TRERF1: variants seen among roughly 807,000 people sequenced by gnomAD.
TRERF1 encodes transcriptional regulating factor 1, also known as transcriptional-regulating factor 1.
In TRERF1, 27 loss-of-function variants were observed where a neutral mutation model predicts 122.9. The ratio of observed to expected loss-of-function variants is 0.22; its 90% CI spans 0.16 to 0.30. The LOEUF (loss-of-function observed/expected upper bound fraction) is 0.30, where lower values mean the gene tolerates loss of function less well. TRERF1 is among the 10% of genes least tolerant of loss of function. TRERF1 has a pLI of 1.00. For missense variants in TRERF1, 1,248 were observed against 1,560.3 expected (o/e 0.80, Z 3.37); for synonymous variants, 636 against 641.7 (o/e 0.99, Z 0.13).
At chr6:42,270,212 T>G (rs866845783) in intron 4 of TRERF1, among the ~76,000 whole-genome samples, 1 of 152,176 alleles carries the variant, frequency 6.6e-6, no homozygotes, top group African/African-American at 2.4e-5. Flanking sequence ...TGTGTATATA[T>G]ATATATGAAA....
At chr6:42,266,092 C>T (rs575830758) in intron 5 of TRERF1, among the ~76,000 whole-genome samples, 2 of 152,218 alleles carry the variant, frequency 1.3e-5, no homozygotes, top group East Asian at 3.9e-4. Context: ...TCCCAGGGCA[C>T]CCACTCTGTG....
At chr6:42,394,555 G>C (rs569411470) in intron 2 of TRERF1, among the ~76,000 whole-genome samples, 9 of 152,306 alleles carry the variant, frequency 5.9e-5, no homozygotes, top group Admixed American at 4.6e-4. Flanking sequence ...CACTCAGCCA[G>C]CGAGTGTCCA....
chr6:42,234,402 A>T (rs1771597100), intron 16 of TRERF1, among the ~76,000 whole-genome samples: 1 of 150,886 alleles, frequency 6.6e-6, no homozygotes, highest in South Asian at 2.1e-4. Context: ...CAGTGGCATG[A>T]TCTCAGTTTA....
At chr6:42,303,212 G>A (rs1218192075) in intron 3 of TRERF1, among the ~76,000 whole-genome samples, 1 of 152,208 alleles carries the variant, frequency 6.6e-6, no homozygotes, top group Non-Finnish European at 1.5e-5. Context: ...AGTGAGACCA[G>A]TGTGTTCCCT....
chr6:42,329,983 T>C (rs1764979021), intron 3 of TRERF1, among the ~76,000 whole-genome samples: 1 of 151,838 alleles, frequency 6.6e-6, no homozygotes, highest in Non-Finnish European at 1.5e-5. Flanking sequence ...AGCAAGACTC[T>C]GTCTTGGGGG....
chr6:42,250,332 C>T (rs1237027373), intron 13 of TRERF1, among the ~76,000 whole-genome samples: 1 of 152,184 alleles, frequency 6.6e-6, no homozygotes, highest in African/African-American at 2.4e-5. Flanking sequence ...ATTTCTTATC[C>T]ACAGTCTCAC....
chr6:42,327,751 T>C (rs1764538475), intron 3 of TRERF1, among the ~76,000 whole-genome samples: 1 of 151,946 alleles, frequency 6.6e-6, no homozygotes, highest in Non-Finnish European at 1.5e-5. Flanking sequence ...GAGAGAACAG[T>C]TGTTTTAGAA....
chr6:42,400,718 C>T (rs939020015), intron 2 of TRERF1, among the ~76,000 whole-genome samples: 4 of 152,122 alleles, frequency 2.6e-5, no homozygotes, highest in Non-Finnish European at 4.4e-5. Context: ...GGAGAAGACA[C>T]CAGCAATAAA....
In TRERF1 at chr6:42,441,075, C is replaced by T. The variant is rs769651455; in HGVS notation, c.-454+10102G>A. 2.0e-5 allele frequency among the ~76,000 whole-genome samples: 3 copies of T among 152,274 alleles called. No individual in the cohort carries two copies. The Middle Eastern group carries it at 0.01, about 518-fold the overall frequency. On this transcript the variant is annotated intron_variant, in intron 2 of 17. Coordinates refer to ENST00000372922, the Ensembl canonical transcript of TRERF1. ...TTTCAATAAATCCCTTCTCTCCTTT[C>T]CCCTCCCCAACTCGAGCTCTCCCAG...
chr6:42,228,450 G>A lies in TRERF1; in HGVS notation c.3498C>T (p.Val1166=), dbSNP rs1026583399. The change falls in exon 18 of 18, where the codon GTC becomes GTT. Residue 1166 remains valine, a synonymous_variant. Transcript: ENST00000372922. This position sits in a 1 kb window ranked among gnomAD's most constrained non-coding sequence, Gnocchi z 4.2. Reference sequence around the variant, plus strand: ...CCATGACACCTCCCAACTGCTGGACGACGTCGTCGTCGAGGATGTCCACAT... The same window carrying A: ...CCATGACACCTCCCAACTGCTGGACAACGTCGTCGTCGAGGATGTCCACAT... 15 of 1,614,080 alleles carry A rather than the reference G, an allele frequency of 9.3e-6. No homozygotes were observed. The African/African-American group carries it at 9.3e-5, about 10-fold the overall frequency.
In TRERF1 at chr6:42,268,766, C is replaced by T. The variant is rs1315604761; in HGVS notation, c.825G>A (p.Gln275=). 3 of 1,614,172 alleles carry T rather than the reference C, an allele frequency of 1.9e-6. No individual in the cohort carries two copies. The highest frequency in any genetic ancestry group is 1.7e-5 in the Admixed American group (1 of 60,020). ...AGATACGCTGTTGCCCGGCTTGCTG[C>T]TGTTGCTGCGGTGGGTAATACTGGT... The change falls in exon 5 of 18, where the codon CAG becomes CAA. Residue 275 remains glutamine, a synonymous_variant. Transcript: ENST00000372922. This position sits in a 1 kb window ranked among gnomAD's most constrained non-coding sequence, Gnocchi z 4.4.
At chr6:42,305,599 C>T (rs76800000) in intron 3 of TRERF1, among the ~76,000 whole-genome samples, 315 of 151,490 alleles carry the variant, frequency 2.1e-3, no homozygotes, top group African/African-American at 7.4e-3. Context: ...ATCTACCAGA[C>T]CGAGGACGGG....
intron 3 of TRERF1, among the ~76,000 whole-genome samples, chr6:42,343,074 C>G (rs547933047): frequency 6.6e-6 from 1 of 152,120 alleles, no homozygotes; most frequent in African/African-American, 2.4e-5. Flanking sequence ...ATATCAACAC[C>G]CTGATGCCAT....
intron 2 of TRERF1, among the ~76,000 whole-genome samples, chr6:42,433,839 C>T (rs1304232373): frequency 6.6e-6 from 1 of 151,886 alleles, no homozygotes; most frequent in African/African-American, 2.4e-5. Flanking sequence ...ATAAACAGAG[C>T]AAGACCCCAT....
chr6:42,409,657 G>A (rs1031869279), intron 2 of TRERF1, among the ~76,000 whole-genome samples: 2 of 152,158 alleles, frequency 1.3e-5, no homozygotes, highest in African/African-American at 4.8e-5. Context: ...TTTGCAAACA[G>A]CGATATTTTT....
chr6:42,403,329 C>T (rs1779691014), intron 2 of TRERF1, among the ~76,000 whole-genome samples: 1 of 152,090 alleles, frequency 6.6e-6, no homozygotes, highest in Non-Finnish European at 1.5e-5. Context: ...TGAGGTTATA[C>T]TCATCTTAAG....
chr6:42,289,348 AAAAAAAAAAC>A (rs1241450323), intron 4 of TRERF1, among the ~76,000 whole-genome samples: 1 of 108,864 alleles, frequency 9.2e-6, no homozygotes, highest in Non-Finnish European at 1.9e-5. Context: ...ACAAACAAAC[AAAAAAAAAAC>A]AAAAAAAAAC....
intron 2 of TRERF1, among the ~76,000 whole-genome samples, chr6:42,419,755 T>C (rs543885554): frequency 1.3e-5 from 2 of 152,182 alleles, no homozygotes; most frequent in African/African-American, 2.4e-5. Context: ...TCATTGGCTC[T>C]GGAAGGAAAC....
chr6:42,294,045 C>A (rs1784704064), intron 4 of TRERF1, among the ~76,000 whole-genome samples: 1 of 152,058 alleles, frequency 6.6e-6, no homozygotes, highest in Non-Finnish European at 1.5e-5. Context: ...GGATCTGAGC[C>A]CTTTGGGGAA....
Sources: allele counts gnomAD v4.1 joint callset (sites outside exome capture counted in the v4.1 genomes callset), GRCh38; gene constraint gnomAD v4.1.1; non-coding constraint Gnocchi (gnomAD v3.1); transcripts MANE v1.5; gene names NCBI Gene and HGNC (gene_info 2026-07-23, HGNC 2026-07-21).